SH3D19: variants seen among roughly 807,000 people sequenced by gnomAD.
SH3D19 encodes the protein SH3 domain-containing protein 19.
In SH3D19, 58 loss-of-function variants were observed where a neutral mutation model predicts 112.1. The observed-to-expected ratio is 0.52, with a 90% CI of 0.42 to 0.64. The LOEUF (loss-of-function observed/expected upper bound fraction) is 0.64. Among genes scored for constraint, SH3D19 ranks in the 30% least tolerant of loss-of-function variants. The probability of loss-of-function intolerance (pLI) is 0.00; values close to 1 mark genes in which losing one functional copy is unlikely to be tolerated. For missense variants in SH3D19, 1,090 were observed against 1,263.4 expected (o/e 0.86, Z 2.08); for synonymous variants, 391 against 448.5 (o/e 0.87, Z 1.62).
chr4:151,317,811 T>G (rs903021178), intron 1 of SH3D19, among the ~76,000 whole-genome samples: 3 of 151,762 alleles, frequency 2.0e-5, no homozygotes, highest in African/African-American at 7.3e-5. Flanking sequence ...CTGTCTCTAC[T>G]AACAATACAA....
intron 9 of SH3D19, among the ~76,000 whole-genome samples, chr4:151,150,433 G>A (rs191814858): frequency 1.9e-4 from 29 of 150,936 alleles, no homozygotes; most frequent in African/African-American, 7.1e-4. Flanking sequence ...TAAGAGGGAT[G>A]GTTATTAGTT....
intron 1 of SH3D19, among the ~76,000 whole-genome samples, chr4:151,255,016 A>G (rs1358278825): frequency 2.2e-5 from 3 of 136,682 alleles, no homozygotes; most frequent in African/African-American, 8.4e-5. Flanking sequence ...ACTTCCCAGT[A>G]GGGGCGGCCG....
chr4:151,216,583 G>A (rs1209854577), intron 2 of SH3D19, among the ~76,000 whole-genome samples: 2 of 151,938 alleles, frequency 1.3e-5, no homozygotes, highest in Non-Finnish European at 2.9e-5. Context: ...AAAATTTAAG[G>A]GCCAGGAGTT....
At chr4:151,286,568 C>T (rs1774807037) in intron 1 of SH3D19, among the ~76,000 whole-genome samples, 1 of 148,712 alleles carries the variant, frequency 6.7e-6, no homozygotes, top group Non-Finnish European at 1.5e-5. Flanking sequence ...CTGAATAAAC[C>T]TAATAAAAAG....
At chr4:151,139,407 C>T (rs1752566325) in intron 13 of SH3D19, among the ~76,000 whole-genome samples, 3 of 152,298 alleles carry the variant, frequency 2.0e-5, no homozygotes, top group African/African-American at 7.2e-5. Context: ...CTGCCTCGGC[C>T]TCCCAAAGTG....
At chr4:151,179,331 C>T (rs1760455694) in intron 4 of SH3D19, 24 bp downstream of exon 4, 1 of 1,194,356 alleles carries the variant, frequency 8.4e-7, no homozygotes. Flanking sequence ...TAATATATGT[C>T]CTCCATTATA....
At chr4:151,312,914 A>T (rs954553352) in intron 1 of SH3D19, among the ~76,000 whole-genome samples, 67 of 150,202 alleles carry the variant, frequency 4.5e-4, no homozygotes, top group South Asian at 4.3e-3. Flanking sequence ...AAAAAAAAAA[A>T]TAAATAAAAT....
chr4:151,281,500 C>A (rs1420933844), intron 1 of SH3D19, among the ~76,000 whole-genome samples: 1 of 152,018 alleles, frequency 6.6e-6, no homozygotes, highest in Non-Finnish European at 1.5e-5. Context: ...AAAGCTCAAT[C>A]CTCACCTTCC....
intron 1 of SH3D19, among the ~76,000 whole-genome samples, chr4:151,298,206 G>C (rs1401503908): frequency 3.7e-5 from 1 of 26,848 alleles, no homozygotes; most frequent in African/African-American, 1.4e-4. Context: ...TTTTTTTTTT[G>C]AGACGGAGTC....
chr4:151,319,911 A>G (rs1313485762), intron 1 of SH3D19, among the ~76,000 whole-genome samples: 1 of 152,218 alleles, frequency 6.6e-6, no homozygotes, highest in Non-Finnish European at 1.5e-5. Context: ...GATCACCTGG[A>G]AAAACATGGA....
chr4:151,175,623 C>T lies in SH3D19; in HGVS notation c.581G>A (p.Gly194Asp). The T allele has an allele frequency of 7.6e-7, 1 of 1,312,538 alleles. No homozygotes were observed. The highest frequency in any genetic ancestry group is 9.6e-7 in the Non-Finnish European group (1 of 1,037,020). 81.3% of individuals were successfully genotyped at this position (1,312,538 alleles called of 1,614,324 possible). A position where few individuals can be genotyped will look rare whatever the true frequency, so the allele number is the denominator to read the frequency against. Reference sequence around the variant, plus strand: ...AGGTGCCACATTTGTTGGAAGATTGCCAGACGAGACTGCTGAGAAAGGCTG... The same window carrying T: ...AGGTGCCACATTTGTTGGAAGATTGTCAGACGAGACTGCTGAGAAAGGCTG... Reference protein sequence around the residue: ...PLQPFSAVSSGNLPTNVAPLI... With the variant: ...PLQPFSAVSSDNLPTNVAPLI... The change falls in exon 7 of 20, where the codon GGC becomes GAC. Residue 194 changes from glycine (G) to aspartate (D), a missense_variant. Transcript: ENST00000604030.
intron 2 of SH3D19, among the ~76,000 whole-genome samples, chr4:151,198,315 A>T (rs58156329): frequency 0.81 from 112,451 of 139,292 alleles, 46,507 homozygotes; most frequent in Non-Finnish European, 0.91. Context: ...AAAAAAAAAA[A>T]AAATATATAT....
intron 2 of SH3D19, among the ~76,000 whole-genome samples, chr4:151,207,016 T>G (rs887255284): frequency 4.6e-5 from 7 of 152,234 alleles, no homozygotes; most frequent in Non-Finnish European, 1.0e-4. Context: ...CTCTGTCTTT[T>G]AGTTTAAACT....
chr4:151,297,565 G>A (rs372769560), intron 1 of SH3D19, among the ~76,000 whole-genome samples: 2 of 152,170 alleles, frequency 1.3e-5, no homozygotes, highest in East Asian at 1.9e-4. Context: ...GGATTTGGAT[G>A]TAATTTAATG....
chr4:151,299,861 A>C (rs1015369405), intron 1 of SH3D19, among the ~76,000 whole-genome samples: 2 of 152,154 alleles, frequency 1.3e-5, no homozygotes, highest in African/African-American at 4.8e-5. Context: ...CTAGTTCCAA[A>C]ATAGCCCTAT....
At chr4:151,277,202 G>A in intron 1 of SH3D19, 1 of 1,501,274 alleles carries the variant, frequency 6.7e-7, no homozygotes, top group Non-Finnish European at 9.0e-7. Flanking sequence ...CCTTCACGCT[G>A]CTCCTTCTGC....
At chr4:151,316,557 T>A (rs1730001232) in intron 1 of SH3D19, among the ~76,000 whole-genome samples, 1 of 152,138 alleles carries the variant, frequency 6.6e-6, no homozygotes. Flanking sequence ...ACTCAAAAAA[T>A]ATTCTAAAAA....
At position 151,249,835 on chromosome 4, in the gene SH3D19, TTG is replaced by T. The variant is rs1227281434; in HGVS notation, c.113-23751_113-23750del. On this transcript the variant is annotated intron_variant, in intron 1 of 19. Transcript: ENST00000604030. The stretch of plus-strand genomic sequence containing the variant: ...TTCAAGTAAAGTCTTAAATTAAATT[TTG>T]GAGAAATATTAATATTCAATCCTCT... Among the ~76,000 whole-genome samples, 12 of 152,356 alleles carry T rather than the reference TTG, an allele frequency of 7.9e-5. No individual in the cohort carries two copies. The East Asian group carries it at 2.1e-3, about 27-fold the overall frequency.
intron 7 of SH3D19, chr4:151,170,604 A>C (rs529257145): frequency 3.9e-5 from 6 of 152,274 alleles, no homozygotes; most frequent in African/African-American, 1.4e-4. Flanking sequence ...ATAAATCACT[A>C]TTTTATTATT....
Sources: gnomAD v4.1 joint callset for allele counts (sites outside exome capture counted in the v4.1 genomes callset) on GRCh38, gnomAD v4.1.1 for gene constraint, MANE v1.5 for transcripts, NCBI Gene and HGNC (gene_info 2026-07-23, HGNC 2026-07-21) for gene names.